Variants in LRCH1 observed in about 807,000 individuals in gnomAD.
LRCH1 encodes the protein leucine-rich repeat and calponin homology domain-containing protein 1.
Under a neutral mutation model 94.9 loss-of-function variants are expected in LRCH1, and 23 were observed. The ratio of observed to expected loss-of-function variants is 0.24; its 90% CI spans 0.17 to 0.34. LRCH1 has a LOEUF of 0.34. LRCH1 is among the 10% of genes least tolerant of loss of function. LRCH1 has a pLI of 1.00. For synonymous variants in LRCH1, 364 were observed against 354.9 expected, an observed-to-expected ratio of 1.03 and a Z score of -0.29; for missense variants, 790 against 945.9, an observed-to-expected ratio of 0.84 and a Z score of 2.16.
At chr13:46,587,514 T>A (rs2050448791) in intron 1 of LRCH1, among the ~76,000 whole-genome samples, 1 of 152,234 alleles carries the variant, frequency 6.6e-6, no homozygotes, top group Non-Finnish European at 1.5e-5. Flanking sequence ...GCAAGAGTAC[T>A]GGAACATAAT....
At chr13:46,651,148 C>A (rs2051292331) in intron 2 of LRCH1, among the ~76,000 whole-genome samples, 1 of 152,158 alleles carries the variant, frequency 6.6e-6, no homozygotes, top group Non-Finnish European at 1.5e-5. Flanking sequence ...AATACAAGAT[C>A]CCCAATTGCA....
chr13:46,743,425 G>A lies in LRCH1; in HGVS notation c.*1577G>A. On this transcript the variant is annotated 3_prime_UTR_variant, in exon 20 of 20. Coordinates refer to ENST00000389797, the MANE Select transcript of LRCH1 (RefSeq NM_001164211.2). ...TGTTGATTGGTGAAATGCAGGGTAT[G>A]TGGAAGTTATCTAATTAACCTCAGT... 1.0e-6 allele frequency: 1 copy of A among 985,834 alleles called. No individual in the cohort carries two copies. The highest frequency in any genetic ancestry group is 1.2e-6 in the Non-Finnish European group (1 of 829,932). The allele number at this position is 985,834 out of a possible 1,614,324, so 61.1% of individuals were successfully genotyped here. A position where few individuals can be genotyped will look rare whatever the true frequency, so the allele number is the denominator to read the frequency against.
At chr13:46,563,514 A>G (rs1566144688) in intron 1 of LRCH1, among the ~76,000 whole-genome samples, 1 of 152,228 alleles carries the variant, frequency 6.6e-6, no homozygotes, top group Non-Finnish European at 1.5e-5. Flanking sequence ...TAATAATAGT[A>G]TGTACCTAGT....
chr13:46,734,369 C>A (rs888602088), intron 19 of LRCH1, among the ~76,000 whole-genome samples: 12 of 152,026 alleles, frequency 7.9e-5, no homozygotes, highest in Non-Finnish European at 1.8e-4. Flanking sequence ...TTTTCTTATC[C>A]CAGGCTCTGA....
intron 4 of LRCH1, among the ~76,000 whole-genome samples, chr13:46,684,715 C>A (rs1254450439): frequency 6.6e-6 from 1 of 152,114 alleles, no homozygotes; most frequent in African/African-American, 2.4e-5. Flanking sequence ...ATTCCAGGGT[C>A]CTCCAGGATT....
intron 9 of LRCH1, among the ~76,000 whole-genome samples, chr13:46,696,574 G>A (rs1017492641): frequency 1.3e-5 from 2 of 152,178 alleles, no homozygotes; most frequent in Admixed American, 6.5e-5. Flanking sequence ...CTGCCCTACA[G>A]AATGGGTCCT....
At chr13:46,696,193 TGTACACAC>T (rs2138170176) in intron 9 of LRCH1, among the ~76,000 whole-genome samples, 1 of 123,736 alleles carries the variant, frequency 8.1e-6, no homozygotes, top group East Asian at 2.3e-4. Flanking sequence ...CATGCATGTG[TGTACACAC>T]ACACACACAC....
chr13:46,591,647 G>A (rs576317223), intron 1 of LRCH1, among the ~76,000 whole-genome samples: 2 of 152,306 alleles, frequency 1.3e-5, no homozygotes, highest in South Asian at 2.1e-4. Context: ...TTAGATTAGA[G>A]TTCTTAGACC....
chr13:46,705,588 C>T, intron 13 of LRCH1: 3 of 561,142 alleles, frequency 5.3e-6, no homozygotes, highest in Non-Finnish European at 9.7e-6. Context: ...GCGATGGCAA[C>T]TAAAATACAT....
intron 16 of LRCH1, among the ~76,000 whole-genome samples, chr13:46,721,917 T>A (rs1400904265): frequency 1.3e-5 from 2 of 152,216 alleles, no homozygotes; most frequent in Non-Finnish European, 2.9e-5. Context: ...AATACTGAGA[T>A]GTGAGAAGGA....
chr13:46,738,963 G>A (rs753804929), intron 19 of LRCH1, among the ~76,000 whole-genome samples: 6 of 152,150 alleles, frequency 3.9e-5, no homozygotes, highest in Non-Finnish European at 5.9e-5. Context: ...ATACCTCATC[G>A]CTGAATTATG....
At chr13:46,599,622 A>G (rs955069334) in intron 1 of LRCH1, among the ~76,000 whole-genome samples, 1 of 152,198 alleles carries the variant, frequency 6.6e-6, no homozygotes, top group African/African-American at 2.4e-5. Flanking sequence ...TTATGATTAA[A>G]CTTAGTAGTA....
At chr13:46,668,598 A>C (rs560216550) in intron 2 of LRCH1, among the ~76,000 whole-genome samples, 78 of 152,246 alleles carry the variant, frequency 5.1e-4, no homozygotes, top group Non-Finnish European at 9.1e-4. Flanking sequence ...GCTTTGGTCC[A>C]GCTGAGTTTC....
At position 46,723,286 on chromosome 13, in the gene LRCH1, G is replaced by A. The variant is rs752699636; in HGVS notation, c.1825G>A (p.Glu609Lys). 6.2e-7 allele frequency: 1 copy of A among 1,613,838 alleles called. No individual in the cohort carries two copies. Among genetic ancestry groups the A allele is most frequent in the South Asian group, 1.1e-5 (1 of 91,074 alleles). Residue 609 changes from glutamate (E) to lysine (K), a missense_variant, in exon 17 of 20, where the codon GAG becomes AAG. Glu to Lys is a moderately conservative substitution (Grantham distance 56, BLOSUM62 1). Transcript: ENST00000389797. ...DPQFTIRRKM[E>K]QMREEKELVE... ...GCAGTTTACAATCCGGAGGAAAATG[G>A]AGCAGATGAGAGAAGAGAAAGAGCT...
intron 1 of LRCH1, 111 bp downstream of exon 1, chr13:46,553,814 G>T: frequency 1.3e-6 from 2 of 1,533,952 alleles, no homozygotes; most frequent in Non-Finnish European, 1.8e-6. Flanking sequence ...GGGAGGGAGG[G>T]TCCATCGGCC....
At chr13:46,591,834 T>C (rs565296475) in intron 1 of LRCH1, among the ~76,000 whole-genome samples, 13 of 152,382 alleles carry the variant, frequency 8.5e-5, no homozygotes, top group African/African-American at 2.9e-4. Flanking sequence ...ACTGTAATTA[T>C]AGTTTTATTT....
rs534225886 is a variant in LRCH1 at position 46,743,254 on chromosome 13, A to G, written c.*1406A>G. ...CTGAACATTTTCATGAATCCAGGGG[A>G]CTTGAAAATATGGAAGACCCACATA... is the stretch of plus-strand genomic sequence containing the variant. On this transcript the variant is annotated 3_prime_UTR_variant, in exon 20 of 20. Transcript: ENST00000389797. 1 of 985,376 alleles carries G rather than the reference A, an allele frequency of 1.0e-6. No homozygotes were observed. The highest frequency in any genetic ancestry group is 4.7e-5 in the South Asian group (1 of 21,274). 61.0% of individuals were successfully genotyped at this position (985,376 alleles called of 1,614,324 possible).
intron 1 of LRCH1, among the ~76,000 whole-genome samples, chr13:46,576,799 A>G (rs1331357955): frequency 6.6e-6 from 1 of 152,178 alleles, no homozygotes; most frequent in African/African-American, 2.4e-5. Flanking sequence ...ATTACTTCAT[A>G]AGAAATTGCC....
intron 1 of LRCH1, among the ~76,000 whole-genome samples, chr13:46,624,214 A>T (rs989153339): frequency 1.3e-5 from 2 of 152,158 alleles, no homozygotes; most frequent in African/African-American, 2.4e-5. Context: ...CCTTTTCTGC[A>T]AGATTGAATT....
Sources: gnomAD v4.1 joint callset for allele counts (sites outside exome capture counted in the v4.1 genomes callset) on GRCh38, gnomAD v4.1.1 for gene constraint, MANE v1.5 for transcripts, NCBI Gene and HGNC (gene_info 2026-07-23, HGNC 2026-07-21) for gene names.